Variants in GNG2 observed in about 807,000 individuals in gnomAD.
The protein encoded by GNG2 is guanine nucleotide-binding protein G(I)/G(S)/G(O) subunit gamma-2.
GNG2 carries 5 observed loss-of-function variants against 5.5 expected under a neutral mutation model. That is an observed-to-expected ratio of 0.91 (90% CI 0.48 to 1.92). The LOEUF (loss-of-function observed/expected upper bound fraction) is 1.92. Among genes scored for constraint, GNG2 ranks in the 30% most tolerant of loss-of-function variants. The pLI, the probability that GNG2 is intolerant of heterozygous loss-of-function variation, is 0.01. For synonymous variants in GNG2, 28 were observed against 32.0 expected, an observed-to-expected ratio of 0.88 and a Z score of 0.42; for missense variants, 55 against 88.4, an observed-to-expected ratio of 0.62 and a Z score of 1.52.
intron 1 of GNG2, among the ~76,000 whole-genome samples, chr14:51,827,272 A>C (rs964323961): frequency 6.6e-6 from 1 of 152,226 alleles, no homozygotes; most frequent in African/African-American, 2.4e-5. Flanking sequence ...TATTGGGCAC[A>C]TACACTAGAA....
intron 3 of GNG2, among the ~76,000 whole-genome samples, chr14:51,951,283 G>A (rs1007746777): frequency 7.2e-5 from 11 of 152,134 alleles, no homozygotes; most frequent in African/African-American, 2.4e-4. Context: ...ACAACAAAGA[G>A]GTTTAATGAA....
intron 1 of GNG2, among the ~76,000 whole-genome samples, chr14:51,866,385 G>A (rs1882887509): frequency 6.6e-6 from 1 of 152,012 alleles, no homozygotes; most frequent in Non-Finnish European, 1.5e-5. Context: ...ATTCAACCAA[G>A]TCCCTACTGC....
chr14:51,886,633 CT>C (rs1178842089), intron 2 of GNG2, among the ~76,000 whole-genome samples: 1 of 152,144 alleles, frequency 6.6e-6, no homozygotes, highest in Non-Finnish European at 1.5e-5. Flanking sequence ...ATCCTTTGGC[CT>C]GAGGTATGAG....
chr14:51,874,925 A>G (rs545532235), intron 1 of GNG2, among the ~76,000 whole-genome samples: 1 of 152,242 alleles, frequency 6.6e-6, no homozygotes, highest in Non-Finnish European at 1.5e-5. Context: ...TTTTCTTAAC[A>G]TTAGTAAACA....
intron 2 of GNG2, among the ~76,000 whole-genome samples, chr14:51,898,066 G>A (rs1027466957): frequency 6.6e-6 from 1 of 152,036 alleles, no homozygotes; most frequent in African/African-American, 2.4e-5. Flanking sequence ...CTATGGCCTG[G>A]GCTTCTCAAG....
At chr14:51,933,315 C>A (rs1234469225) in intron 2 of GNG2, among the ~76,000 whole-genome samples, 1 of 152,072 alleles carries the variant, frequency 6.6e-6, no homozygotes, top group African/African-American at 2.4e-5. Flanking sequence ...GTGACTTGGA[C>A]AAATGTCGTT....
intron 2 of GNG2, among the ~76,000 whole-genome samples, chr14:51,879,891 A>G (rs1883927885): frequency 6.6e-6 from 1 of 152,174 alleles, no homozygotes; most frequent in Non-Finnish European, 1.5e-5. Flanking sequence ...GACTGAACAT[A>G]TTTGGGGCCT....
In GNG2 at chr14:51,969,059, A is replaced by G. The variant is rs763153719; in HGVS notation, c.*2372A>G. 2.0e-5 allele frequency: 3 copies of G among 152,176 alleles called. No homozygotes were observed. Among genetic ancestry groups the G allele is most frequent in the Non-Finnish European group, 4.4e-5 (3 of 68,030 alleles). The allele number at this position is 152,176 out of a possible 1,614,324, so 9.4% of individuals were successfully genotyped here. A position where few individuals can be genotyped will look rare whatever the true frequency, so the allele number is the denominator to read the frequency against. On this transcript the variant is annotated 3_prime_UTR_variant, in exon 4 of 4. Coordinates refer to ENST00000556766, the MANE Select transcript of GNG2 (RefSeq NM_053064.5). Reference sequence around the variant, plus strand: ...GTATTTGTACTTATTCAGGGGAAAAAGTCTTTCGATTACTTATGCCTCTAT... The same window carrying G: ...GTATTTGTACTTATTCAGGGGAAAAGGTCTTTCGATTACTTATGCCTCTAT...
intron 2 of GNG2, chr14:51,914,220 A>G: frequency 1.4e-6 from 1 of 702,240 alleles, no homozygotes; most frequent in Non-Finnish European, 2.6e-6. Flanking sequence ...GCCAGAAATG[A>G]CTGTGCCATT....
At chr14:51,850,449 T>G (rs963488481) in intron 2 of GNG2, among the ~76,000 whole-genome samples, 1 of 152,188 alleles carries the variant, frequency 6.6e-6, no homozygotes, top group African/African-American at 2.4e-5. Context: ...CAGTGAAAAT[T>G]TCTTGTCTTC....
chr14:51,839,951 G>A (rs1881439804), intron 2 of GNG2, among the ~76,000 whole-genome samples: 3 of 147,488 alleles, frequency 2.0e-5, no homozygotes, highest in Admixed American at 6.7e-5. Context: ...CAACTTCAGC[G>A]AGTTGTAGGA....
chr14:51,895,259 T>A (rs1299973597), intron 2 of GNG2, among the ~76,000 whole-genome samples: 1 of 152,196 alleles, frequency 6.6e-6, no homozygotes, highest in Non-Finnish European at 1.5e-5. Flanking sequence ...TAAATAAACA[T>A]GTATAAATAA....
chr14:51,902,709 TAGAG>T (rs1394067076), intron 2 of GNG2, among the ~76,000 whole-genome samples: 8 of 152,156 alleles, frequency 5.3e-5, no homozygotes, highest in African/African-American at 1.2e-4. Flanking sequence ...CTGGACAACA[TAGAG>T]AGACACTGTC....
At chr14:51,964,769 C>T (rs997200257) in intron 3 of GNG2, among the ~76,000 whole-genome samples, 1 of 152,082 alleles carries the variant, frequency 6.6e-6, no homozygotes, top group Non-Finnish European at 1.5e-5. Context: ...CCCAGGACTC[C>T]GGAAGGTGAG....
intron 2 of GNG2, among the ~76,000 whole-genome samples, chr14:51,891,906 T>C (rs961978304): frequency 2.6e-5 from 4 of 152,242 alleles, no homozygotes; most frequent in African/African-American, 9.6e-5. Context: ...TCATGTCTCC[T>C]GGTTCACATT....
At chr14:51,945,780 G>A (rs8005542) in intron 2 of GNG2, among the ~76,000 whole-genome samples, 55,347 of 147,806 alleles carry the variant, frequency 0.37, 10,326 homozygotes, top group Middle Eastern at 0.44. Flanking sequence ...GCATGTATGT[G>A]TATGTGTATG....
At chr14:51,924,776 G>A (rs1413620627) in intron 2 of GNG2, among the ~76,000 whole-genome samples, 1 of 152,324 alleles carries the variant, frequency 6.6e-6, no homozygotes, top group Non-Finnish European at 1.5e-5. Flanking sequence ...AATAATTGGA[G>A]GTAAACACTG....
intron 2 of GNG2, among the ~76,000 whole-genome samples, chr14:51,895,485 T>C (rs934784715): frequency 3.3e-5 from 5 of 152,180 alleles, no homozygotes; most frequent in Non-Finnish European, 5.9e-5. Flanking sequence ...TGTTTACTTA[T>C]AACATTTTCA....
At chr14:51,911,753 T>C (rs1161252379) in intron 2 of GNG2, among the ~76,000 whole-genome samples, 1 of 147,544 alleles carries the variant, frequency 6.8e-6, no homozygotes. Context: ...TCACTATATT[T>C]CCCAGACCGG....
Sources: gnomAD v4.1 joint callset for allele counts (sites outside exome capture counted in the v4.1 genomes callset) on GRCh38, gnomAD v4.1.1 for gene constraint, MANE v1.5 for transcripts, NCBI Gene and HGNC (gene_info 2026-07-23, HGNC 2026-07-21) for gene names.